The following CWC27 variants were observed in gnomAD, a reference collection of about 807,000 sequenced individuals.
CWC27 encodes spliceosome-associated protein CWC27 homolog.
A neutral mutation model predicts 63.6 loss-of-function variants in CWC27; 47 were observed. The ratio of observed to expected loss-of-function variants is 0.74; its 90% CI spans 0.58 to 0.94. The LOEUF (loss-of-function observed/expected upper bound fraction) is 0.94, where lower values mean the gene tolerates loss of function less well. Ranked by LOEUF, CWC27 falls within the 40% of genes least tolerant of loss-of-function variation. The pLI is 0.00. For synonymous variants in CWC27, 175 were observed against 179.8 expected (o/e 0.97, Z 0.22); for missense variants, 495 against 554.3 (o/e 0.89, Z 1.07).
intron 10 of CWC27, among the ~76,000 whole-genome samples, chr5:64,869,820 A>G (rs535476217): frequency 2.0e-5 from 3 of 152,184 alleles, no homozygotes; most frequent in African/African-American, 7.2e-5. Context: ...TTATGTGTCT[A>G]GATGGCTAGA....
intron 10 of CWC27, among the ~76,000 whole-genome samples, chr5:64,827,789 T>C (rs1580648425): frequency 6.6e-6 from 1 of 152,162 alleles, no homozygotes; most frequent in Non-Finnish European, 1.5e-5. Context: ...ATAGTTTTGA[T>C]TGCCCACAGT....
At chr5:64,851,927 T>C (rs1304599916) in intron 10 of CWC27, among the ~76,000 whole-genome samples, 1 of 152,038 alleles carries the variant, frequency 6.6e-6, no homozygotes, top group Non-Finnish European at 1.5e-5. Context: ...AAGGTGAGAA[T>C]TCTAACTCTT....
intron 11 of CWC27, among the ~76,000 whole-genome samples, chr5:64,914,167 A>G (rs750282841): frequency 3.9e-5 from 6 of 152,182 alleles, no homozygotes; most frequent in Non-Finnish European, 7.4e-5. Flanking sequence ...CTAATTCCAG[A>G]TAGACTGTTG....
chr5:64,880,383 G>T (rs1295406022), intron 10 of CWC27, among the ~76,000 whole-genome samples: 1 of 151,814 alleles, frequency 6.6e-6, no homozygotes, highest in Non-Finnish European at 1.5e-5. Flanking sequence ...CTAAAAAGGT[G>T]TTTATTTTAT....
In CWC27 at chr5:64,783,936, G is replaced by T. The variant is rs199984122; in HGVS notation, c.353G>T (p.Gly118Val). 1.3e-4 allele frequency: 212 copies of T among 1,602,216 alleles called. No homozygotes were observed. Among genetic ancestry groups the T allele is most frequent in the Non-Finnish European group, 1.8e-4 (207 of 1,174,796 alleles). ...DNGSQFFFTL[G>V]RADELNNKHT... ...GGCAGCCAGTTTTTCTTCACACTGGGTCGAGCAGATGAACTTAACAATAAG... is the reference window on the plus strand; with the variant it reads ...GGCAGCCAGTTTTTCTTCACACTGGTTCGAGCAGATGAACTTAACAATAAG... Residue 118 changes from glycine to valine, a missense_variant, in exon 4 of 14, where the codon GGT becomes GTT. Physicochemically the swap from Gly to Val is moderately radical, Grantham distance 109. Around this residue, in one of 3 missense-constraint regions of CWC27, gnomAD observed 463 missense variants for 498.1 expected, o/e 0.93. Transcript: ENST00000381070.
chr5:65,017,041 G>C (rs138145403), intron 13 of CWC27, among the ~76,000 whole-genome samples: 6 of 152,062 alleles, frequency 3.9e-5, no homozygotes, highest in Non-Finnish European at 8.8e-5. Context: ...TGAACTTTTC[G>C]CCGGGCACGG....
rs115618810 is a variant in CWC27, at chr5:64,865,592, T to A, written c.939-19851T>A. 2.3e-3 allele frequency among the ~76,000 whole-genome samples: 344 copies of A among 152,162 alleles called. 1 individual carries two copies. The highest frequency in any genetic ancestry group is 7.9e-3 in the African/African-American group (327 of 41,544). On this transcript the variant is annotated intron_variant, in intron 10 of 13. Transcript: ENST00000381070. ...TTTAAATGATTGAATCATTGGTTAA[T>A]TTTGTTATTGGGATAAACTTGAGAG...
chr5:64,844,720 A>G (rs1253058980), intron 10 of CWC27, among the ~76,000 whole-genome samples: 1 of 152,232 alleles, frequency 6.6e-6, no homozygotes, highest in Non-Finnish European at 1.5e-5. Flanking sequence ...CCAATAAGCC[A>G]TTCCAGTGAC....
chr5:64,882,744 C>G (rs1185831188), intron 10 of CWC27, among the ~76,000 whole-genome samples: 1 of 152,238 alleles, frequency 6.6e-6, no homozygotes, highest in East Asian at 1.9e-4. Context: ...CAGGTGCCCG[C>G]CACCCCGCCT....
At chr5:64,928,084 G>A (rs1364234199) in intron 11 of CWC27, among the ~76,000 whole-genome samples, 1 of 151,984 alleles carries the variant, frequency 6.6e-6, no homozygotes, top group African/African-American at 2.4e-5. Flanking sequence ...GAACACGGGA[G>A]GCCAAGGTTG....
intron 11 of CWC27, among the ~76,000 whole-genome samples, chr5:64,897,722 C>T (rs1028286067): frequency 6.6e-6 from 1 of 152,056 alleles, no homozygotes; most frequent in Non-Finnish European, 1.5e-5. Flanking sequence ...ACATTGTGCA[C>T]ATGTACCCTA....
intron 6 of CWC27, among the ~76,000 whole-genome samples, 190 bp downstream of exon 6, chr5:64,786,817 T>G (rs1424149034): frequency 1.3e-5 from 2 of 152,084 alleles, no homozygotes; most frequent in African/African-American, 2.4e-5. Flanking sequence ...TGCCTGAGAC[T>G]GAGAGATATT....
At chr5:64,984,300 C>T (rs4632749) in intron 13 of CWC27, among the ~76,000 whole-genome samples, 32,789 of 152,066 alleles carry the variant, frequency 0.22, 4,026 homozygotes, top group South Asian at 0.36. Flanking sequence ...AATAATTTAT[C>T]TGCTTTTTGG....
At chr5:64,905,416 A>G (rs1177436223) in intron 11 of CWC27, among the ~76,000 whole-genome samples, 1 of 152,100 alleles carries the variant, frequency 6.6e-6, no homozygotes, top group Non-Finnish European at 1.5e-5. Context: ...GTCTTTTAGA[A>G]CAGTGGTCTC....
At chr5:65,013,357 C>T (rs1477558801) in intron 13 of CWC27, among the ~76,000 whole-genome samples, 5 of 152,158 alleles carry the variant, frequency 3.3e-5, no homozygotes, top group African/African-American at 4.8e-5. Flanking sequence ...CTTAGCAAGC[C>T]TTCTAGTACC....
At chr5:64,972,810 A>C in intron 12 of CWC27, 1 of 376,756 alleles carries the variant, frequency 2.7e-6, no homozygotes, top group South Asian at 2.1e-5. Context: ...CCTGCCATGT[A>C]CTAATCACTG....
At chr5:64,933,390 A>G in intron 11 of CWC27, among the ~76,000 whole-genome samples, 1 of 152,174 alleles carries the variant, frequency 6.6e-6, no homozygotes, top group East Asian at 1.9e-4. Flanking sequence ...CAATGAACTC[A>G]TATATCTTTT....
At chr5:64,952,938 C>G (rs1341907876) in intron 11 of CWC27, among the ~76,000 whole-genome samples, 1 of 152,068 alleles carries the variant, frequency 6.6e-6, no homozygotes, top group Non-Finnish European at 1.5e-5. Flanking sequence ...AAAACAACAT[C>G]AAAAATACGT....
chr5:64,963,372 T>A (rs1748955090), intron 11 of CWC27, among the ~76,000 whole-genome samples: 1 of 152,210 alleles, frequency 6.6e-6, no homozygotes, highest in Non-Finnish European at 1.5e-5. Context: ...ATAGAAAATA[T>A]AGTTATTAAA....
Sources: gnomAD v4.1 joint callset for allele counts (sites outside exome capture counted in the v4.1 genomes callset) on GRCh38, gnomAD v4.1.1 for gene constraint, gnomAD v4.1.1 regional missense constraint, MANE v1.5 for transcripts, NCBI Gene and HGNC (gene_info 2026-07-23, HGNC 2026-07-21) for gene names.